NLGN1: variants seen among roughly 807,000 people sequenced by gnomAD.
NLGN1 encodes neuroligin-1.
NLGN1 carries 12 observed loss-of-function variants against 65.5 expected under a neutral mutation model. The observed-to-expected ratio is 0.18, with a 90% CI of 0.12 to 0.30. The LOEUF (loss-of-function observed/expected upper bound fraction) is 0.30, where lower values mean the gene tolerates loss of function less well. Among genes scored for constraint, NLGN1 ranks in the 10% least tolerant of loss-of-function variants. The pLI is 1.00. For synonymous variants in NLGN1, 350 were observed against 359.5 expected (o/e 0.97, Z 0.30); for missense variants, 750 against 1,007.1 (o/e 0.74, Z 3.46).
chr3:173,953,117 A>G (rs1172940587), intron 4 of NLGN1, among the ~76,000 whole-genome samples: 2 of 152,136 alleles, frequency 1.3e-5, no homozygotes, highest in Non-Finnish European at 1.5e-5. Context: ...TTCCATGATT[A>G]CTCTGCTGTT....
chr3:174,071,515 C>T (rs994032842), intron 4 of NLGN1, among the ~76,000 whole-genome samples: 1 of 151,904 alleles, frequency 6.6e-6, no homozygotes, highest in African/African-American at 2.4e-5. Flanking sequence ...AACCCTGTCT[C>T]TACAAAAACA....
At chr3:174,123,969 G>T (rs1353417798) in intron 4 of NLGN1, among the ~76,000 whole-genome samples, 1 of 152,108 alleles carries the variant, frequency 6.6e-6, no homozygotes, top group East Asian at 1.9e-4. Flanking sequence ...CTAACCTCCA[G>T]TGTGACTCTA....
At chr3:173,752,063 G>C (rs188100854) in intron 3 of NLGN1, among the ~76,000 whole-genome samples, 1 of 152,004 alleles carries the variant, frequency 6.6e-6, no homozygotes, top group Admixed American at 6.6e-5. Context: ...CTCTTTACCA[G>C]GCTGCTGATA....
chr3:174,131,302 A>G (rs1561117056), intron 4 of NLGN1, among the ~76,000 whole-genome samples: 2 of 152,176 alleles, frequency 1.3e-5, no homozygotes, highest in Admixed American at 1.3e-4. Context: ...TAATAAGTGT[A>G]TTGTCCATAA....
chr3:173,759,928 G>A (rs1014026290), intron 3 of NLGN1, among the ~76,000 whole-genome samples: 3 of 151,810 alleles, frequency 2.0e-5, no homozygotes, highest in Admixed American at 6.6e-5. Context: ...CTGGAATTGG[G>A]TGACACAAGG....
intron 4 of NLGN1, among the ~76,000 whole-genome samples, chr3:173,990,639 A>G (rs141651992): frequency 8.5e-4 from 130 of 152,280 alleles, no homozygotes; most frequent in African/African-American, 3.1e-3. Flanking sequence ...CCATAATTAT[A>G]ATGGCAGTTC....
chr3:174,117,800 A>T (rs1376274098), intron 4 of NLGN1, among the ~76,000 whole-genome samples: 5 of 152,284 alleles, frequency 3.3e-5, no homozygotes, highest in South Asian at 4.1e-4. Context: ...TTAACCAAAG[A>T]TTAGAAGGAA....
chr3:173,670,080 C>G (rs1422899617), intron 3 of NLGN1, among the ~76,000 whole-genome samples: 2 of 151,868 alleles, frequency 1.3e-5, no homozygotes, highest in African/African-American at 4.8e-5. Flanking sequence ...CTGATTTTTT[C>G]CTATAAATAG....
At chr3:173,407,685 C>A (rs1711553011) in intron 1 of NLGN1, among the ~76,000 whole-genome samples, 1 of 151,980 alleles carries the variant, frequency 6.6e-6, no homozygotes, top group South Asian at 2.1e-4. Context: ...CAATAAAAAT[C>A]AAGACTAAGA....
In NLGN1 at chr3:174,279,562, A is replaced by G. The variant is rs1313934083; in HGVS notation, c.1561A>G (p.Thr521Ala). ...ACTGGGAATCCCCATGATTGGCCCT[A>G]CAGAGTTATTTCCTTGCAATTTCTC... The change falls in exon 6 of 7, where the codon ACA becomes GCA. Residue 521 changes from threonine to alanine, a missense_variant. Transcript: ENST00000457714. This position sits in a 1 kb window ranked among gnomAD's most constrained non-coding sequence, Gnocchi z 4.7. 5 of 1,613,042 alleles carry G rather than the reference A, an allele frequency of 3.1e-6. No individual in the cohort carries two copies. The highest frequency in any genetic ancestry group is 1.6e-4 in the Middle Eastern group (1 of 6,074).
intron 4 of NLGN1, among the ~76,000 whole-genome samples, chr3:173,862,976 A>G (rs1273783957): frequency 1.3e-5 from 2 of 152,206 alleles, no homozygotes; most frequent in Non-Finnish European, 2.9e-5. Context: ...AATGAATGTC[A>G]GAAATCACCT....
At chr3:174,092,993 T>C (rs565466897) in intron 4 of NLGN1, among the ~76,000 whole-genome samples, 39 of 152,324 alleles carry the variant, frequency 2.6e-4, no homozygotes, top group Non-Finnish European at 5.4e-4. Flanking sequence ...CTCATTGTCA[T>C]TCCCTTGAGC....
At chr3:174,191,855 G>A (rs1732448733) in intron 4 of NLGN1, among the ~76,000 whole-genome samples, 1 of 152,032 alleles carries the variant, frequency 6.6e-6, no homozygotes, top group African/African-American at 2.4e-5. Flanking sequence ...CTCCAAATGA[G>A]ATACTCTGAG....
intron 2 of NLGN1, among the ~76,000 whole-genome samples, chr3:173,444,271 C>T (rs962776623): frequency 3.5e-4 from 54 of 152,194 alleles, no homozygotes; most frequent in Admixed American, 3.4e-3. Flanking sequence ...CTAGATAAAA[C>T]GATAGATGTC....
chr3:173,423,203 T>C (rs1377354354), intron 1 of NLGN1, among the ~76,000 whole-genome samples: 1 of 152,156 alleles, frequency 6.6e-6, no homozygotes, highest in Admixed American at 6.5e-5. Context: ...TCTAATCACC[T>C]CCCAGCAGGC....
intron 2 of NLGN1, among the ~76,000 whole-genome samples, chr3:173,509,416 C>T (rs1222262463): frequency 1.3e-5 from 2 of 151,690 alleles, no homozygotes; most frequent in East Asian, 1.9e-4. Context: ...AGTTCGTGAC[C>T]TGCCTGGGTA....
intron 4 of NLGN1, among the ~76,000 whole-genome samples, chr3:174,265,955 T>A (rs1363126590): frequency 4.1e-5 from 6 of 147,766 alleles, no homozygotes; most frequent in African/African-American, 1.5e-4. Flanking sequence ...TATGTGTATG[T>A]GTATATATGT....
chr3:173,622,880 A>G (rs1449842757), intron 3 of NLGN1, among the ~76,000 whole-genome samples: 2 of 152,108 alleles, frequency 1.3e-5, no homozygotes, highest in Non-Finnish European at 2.9e-5. Context: ...CAATTACTAA[A>G]CACAAGTTGC....
Position 173,730,328 on chromosome 3 carries a change from C to CCCG in NLGN1, c.494-77350_494-77349insGCC, listed in dbSNP as rs1553822097. 4.1e-4 allele frequency among the ~76,000 whole-genome samples: 57 copies of CCCG among 137,526 alleles called. 4 individuals carry two copies. Among genetic ancestry groups the CCCG allele is most frequent in the Non-Finnish European group, 8.6e-4 (55 of 63,694 alleles). The allele number at this position is 137,526 out of a possible 152,430, so 90.2% of individuals were successfully genotyped here. ...CACACTACTGCCCCACCGCTCCCCC[C>CCCG]CCCCCGCAAAAATAGAATGAAAGCT... On this transcript the variant is annotated intron_variant, in intron 3 of 6. Coordinates refer to ENST00000457714, the Ensembl canonical transcript of NLGN1.
Sources: gnomAD v4.1 joint callset for allele counts (sites outside exome capture counted in the v4.1 genomes callset) on GRCh38, gnomAD v4.1.1 for gene constraint, Gnocchi (gnomAD v3.1) non-coding constraint, MANE v1.5 for transcripts, NCBI Gene and HGNC (gene_info 2026-07-23, HGNC 2026-07-21) for gene names.